The following PARD6G variants were observed in gnomAD, a reference collection of about 807,000 sequenced individuals.
PARD6G encodes the protein par-6 family cell polarity regulator gamma.
Under a neutral mutation model 10.7 loss-of-function variants are expected in PARD6G, and 7 were observed. The ratio of observed to expected loss-of-function variants is 0.66; its 90% CI spans 0.37 to 1.23. The LOEUF is 1.23. PARD6G is among the 50% of genes most tolerant of loss of function. The pLI is 0.02. For synonymous variants in PARD6G, 287 were observed against 269.4 expected (o/e 1.07, Z -0.64); for missense variants, 548 against 571.8 (o/e 0.96, Z 0.42).
chr18:80,226,857 C>T (rs1339219752), intron 1 of PARD6G, among the ~76,000 whole-genome samples: 2 of 152,166 alleles, frequency 1.3e-5, no homozygotes, highest in Non-Finnish European at 2.9e-5. Context: ...TTTTAATTGC[C>T]ATATTACGAG....
chr18:80,198,814 G>C (rs1246686295), intron 2 of PARD6G, among the ~76,000 whole-genome samples: 2 of 152,194 alleles, frequency 1.3e-5, no homozygotes, highest in Non-Finnish European at 2.9e-5. Context: ...CCAGGGCCAT[G>C]GCTCAGATCC....
intron 1 of PARD6G, among the ~76,000 whole-genome samples, chr18:80,225,355 T>C (rs1967279254): frequency 6.6e-6 from 1 of 152,230 alleles, no homozygotes; most frequent in East Asian, 1.9e-4. Flanking sequence ...GCCATTTCCA[T>C]CACTCATGCA....
intron 1 of PARD6G, among the ~76,000 whole-genome samples, chr18:80,237,562 T>C (rs74471996): frequency 0.2 from 29,751 of 151,836 alleles, 3,548 homozygotes; most frequent in East Asian, 0.42. Context: ...AGTGAACAGG[T>C]AACCTACAGA....
At chr18:80,163,343 A>T (rs2052713466) in intron 2 of PARD6G, among the ~76,000 whole-genome samples, 1 of 152,170 alleles carries the variant, frequency 6.6e-6, no homozygotes. Context: ...TGTGTGAAAC[A>T]GCCTGGCCGC....
chr18:80,203,838 G>A (rs1045500565), intron 1 of PARD6G, among the ~76,000 whole-genome samples: 6 of 152,208 alleles, frequency 3.9e-5, no homozygotes, highest in Non-Finnish European at 7.3e-5. Context: ...AGGATCAGAA[G>A]TAGACATGAA....
intron 1 of PARD6G, among the ~76,000 whole-genome samples, chr18:80,218,958 C>T (rs192821794): frequency 1.4e-3 from 210 of 152,358 alleles, no homozygotes; most frequent in Non-Finnish European, 2.5e-3. Context: ...CTTTTAGCCG[C>T]GGCTGGAGTG....
intron 1 of PARD6G, among the ~76,000 whole-genome samples, chr18:80,237,001 T>C (rs969362408): frequency 1.3e-4 from 20 of 152,150 alleles, no homozygotes; most frequent in African/African-American, 4.6e-4. Flanking sequence ...AAAAACTACT[T>C]TAAAGTTCAT....
Position 80,212,063 on chromosome 18 carries a change from C to A in PARD6G, c.73-9131G>T, listed in dbSNP as rs747744454. ...CACTACAATACTGATAAAAAAAAATCGATTCCCAGCCAGGGCCACACTGTC... is the reference window on the plus strand; with the variant it reads ...CACTACAATACTGATAAAAAAAAATAGATTCCCAGCCAGGGCCACACTGTC... On this transcript the variant is annotated intron_variant, in intron 1 of 2. Coordinates refer to ENST00000353265, the MANE Select transcript of PARD6G (RefSeq NM_032510.4). Among the ~76,000 whole-genome samples, 4 of 152,126 alleles carry A rather than the reference C, an allele frequency of 2.6e-5. No homozygotes were observed. In the South Asian group the frequency reaches 6.2e-4, roughly 24 times the overall value.
At chr18:80,199,608 T>C (rs1159511550) in intron 2 of PARD6G, among the ~76,000 whole-genome samples, 1 of 152,228 alleles carries the variant, frequency 6.6e-6, no homozygotes, top group Non-Finnish European at 1.5e-5. Flanking sequence ...TGTCTTTGTA[T>C]GGTTTGGAGG....
At chr18:80,191,444 C>G (rs942632999) in intron 2 of PARD6G, among the ~76,000 whole-genome samples, 2 of 152,136 alleles carry the variant, frequency 1.3e-5, no homozygotes, top group Non-Finnish European at 2.9e-5. Flanking sequence ...GGAGTCATTA[C>G]TCAAAACACT....
At chr18:80,172,682 G>A (rs1030112439) in intron 2 of PARD6G, among the ~76,000 whole-genome samples, 2 of 152,188 alleles carry the variant, frequency 1.3e-5, no homozygotes, top group African/African-American at 4.8e-5. Flanking sequence ...ACCATGCCCA[G>A]CTGGGTTGTC....
intron 2 of PARD6G, among the ~76,000 whole-genome samples, chr18:80,190,751 G>C (rs1299903023): frequency 6.6e-6 from 1 of 152,192 alleles, no homozygotes. Context: ...GGCTTAGGAA[G>C]CCTACAGAGA....
intron 2 of PARD6G, among the ~76,000 whole-genome samples, chr18:80,167,589 G>A (rs1173820582): frequency 6.6e-6 from 1 of 152,090 alleles, no homozygotes; most frequent in African/African-American, 2.4e-5. Flanking sequence ...AGGAGGCGCT[G>A]CAGAGGGTGG....
At chr18:80,174,524 G>C (rs1390220567) in intron 2 of PARD6G, among the ~76,000 whole-genome samples, 1 of 152,200 alleles carries the variant, frequency 6.6e-6, no homozygotes, top group African/African-American at 2.4e-5. Flanking sequence ...TCAGTGCACT[G>C]AGAAAAGACT....
intron 1 of PARD6G, among the ~76,000 whole-genome samples, chr18:80,243,936 C>G (rs8089280): frequency 0.82 from 124,009 of 152,032 alleles, 50,844 homozygotes; most frequent in Non-Finnish European, 0.86. Context: ...CTGCTGGGAG[C>G]GGGGATGAGC....
intron 2 of PARD6G, among the ~76,000 whole-genome samples, chr18:80,179,054 C>T (rs978356615): frequency 4.6e-5 from 7 of 152,010 alleles, no homozygotes; most frequent in African/African-American, 1.5e-4. Context: ...TTTCCGAGGC[C>T]ACGAAGAGGA....
rs145746653 is a variant in PARD6G at position 80,183,053 on chromosome 18, C to G, written c.295+19657G>C. On this transcript the variant is annotated intron_variant, in intron 2 of 2. Coordinates refer to ENST00000353265, the MANE Select transcript of PARD6G (RefSeq NM_032510.4). The surrounding 1 kb of genome is among the most constrained non-coding windows in gnomAD (Gnocchi z 4.5). ...GCCAGCTGCGTGGGCCATCCATTCT[C>G]TACCATGGCATGCCGACAACAGGGG... The G allele has an allele frequency of 1.1e-3, 801 of 701,988 alleles. 4 individuals carry two copies. The African/African-American group carries it at 0.012, about 11-fold the overall frequency. The allele number at this position is 701,988 out of a possible 1,614,324, so 43.5% of individuals were successfully genotyped here.
chr18:80,172,094 T>C lies in PARD6G; in HGVS notation c.296-11488A>G, dbSNP rs1374529919. Among the ~76,000 whole-genome samples the C allele has an allele frequency of 3.9e-5, 6 of 152,232 alleles. No individual in the cohort carries two copies. The South Asian group carries it at 6.2e-4, about 16-fold the overall frequency. On this transcript the variant is annotated intron_variant, in intron 2 of 2. Coordinates refer to ENST00000353265, the MANE Select transcript of PARD6G (RefSeq NM_032510.4). The stretch of plus-strand genomic sequence containing the variant: ...AATTACTGCTCATATGTCTAACTGT[T>C]TGAGGAACTGCCAGACTGTTTTCTA...
At position 80,159,543 on chromosome 18, in the gene PARD6G, G is replaced by T; in HGVS notation, c.*228C>A. ...TCACTTTGCAAAGGCGCCAAGACCT[G>T]CACTCAGGCCTGGTATAGAGTGTCT... On this transcript the variant is annotated 3_prime_UTR_variant, in exon 3 of 3. Coordinates refer to ENST00000353265, the MANE Select transcript of PARD6G (RefSeq NM_032510.4). The T allele has an allele frequency of 1.8e-6, 1 of 551,586 alleles. No individual in the cohort carries two copies. The highest frequency in any genetic ancestry group is 2.7e-6 in the Non-Finnish European group (1 of 370,186). The allele number at this position is 551,586 out of a possible 1,614,324, so 34.2% of individuals were successfully genotyped here.
Sources: gnomAD v4.1 joint callset for allele counts (sites outside exome capture counted in the v4.1 genomes callset) on GRCh38, gnomAD v4.1.1 for gene constraint, Gnocchi (gnomAD v3.1) non-coding constraint, MANE v1.5 for transcripts, NCBI Gene and HGNC (gene_info 2026-07-23, HGNC 2026-07-21) for gene names.